Variants in PELP1 observed in about 807,000 individuals in gnomAD.
PELP1 encodes the protein proline-, glutamic acid- and leucine-rich protein 1.
PELP1 carries 32 observed loss-of-function variants against 95.5 expected under a neutral mutation model. That is an observed-to-expected ratio of 0.34 (90% CI 0.25 to 0.45). The LOEUF (loss-of-function observed/expected upper bound fraction) is 0.45. PELP1 is among the 20% of genes least tolerant of loss of function. The pLI, the probability that PELP1 is intolerant of heterozygous loss-of-function variation, is 1.00. For missense variants in PELP1, 1,358 were observed against 1,444.8 expected (o/e 0.94, Z 0.97); for synonymous variants, 668 against 600.1 (o/e 1.11, Z -1.65).
rs1036218087 is a variant in PELP1, at chr17:4,704,030, T to C, written c.82A>G (p.Ser28Gly). ...AGCAGGCGGAGCCGCGGGCCCGAGCTCACTGCCGAGAGACCCCCGGTCCCG... is the reference window on the plus strand; with the variant it reads ...AGCAGGCGGAGCCGCGGGCCCGAGCCCACTGCCGAGAGACCCCCGGTCCCG... ...PGGTGGLSAV[S>G]SGPRLRLLLL... is the part of the protein sequence containing the mutation. The change falls in exon 1 of 17, where the codon AGC becomes GGC. Residue 28 changes from serine to glycine, a missense_variant. Ser to Gly is a moderately conservative substitution (Grantham distance 56). Coordinates refer to ENST00000572293, the MANE Select transcript of PELP1 (RefSeq NM_014389.3). The C allele has an allele frequency of 3.1e-6, 5 of 1,612,796 alleles. No homozygotes were observed. In the African/African-American group the frequency reaches 5.3e-5, roughly 17 times the overall value.
chr17:4,690,957 C>T lies in PELP1; in HGVS notation c.351G>A (p.Gly117=). The T allele has an allele frequency of 6.2e-7, 1 of 1,613,832 alleles. No homozygotes were observed. Among genetic ancestry groups the T allele is most frequent in the Non-Finnish European group, 8.5e-7 (1 of 1,179,800 alleles). ...EGLCLLSLLV[G]ESPTELFQQH... ...GCTGGAATAGCTCTGTGGGGCTCTC[C>T]CCTACCAGCAGGGACAGCAGACACA... The change falls in exon 3 of 17, where the codon GGG becomes GGA. Residue 117 remains glycine (G), a synonymous_variant. Transcript: ENST00000572293.
intron 1 of PELP1, among the ~76,000 whole-genome samples, chr17:4,701,299 G>C (rs1913520674): frequency 7.5e-6 from 1 of 133,936 alleles, no homozygotes; most frequent in Admixed American, 7.7e-5. Context: ...AAAGAATTGA[G>C]AAGACTGGGA....
At chr17:4,676,308 G>C (rs1279590503) in intron 7 of PELP1, 49 bp downstream of exon 7, 2 of 1,593,042 alleles carry the variant, frequency 1.3e-6, no homozygotes, top group Non-Finnish European at 1.7e-6. Context: ...GTTCCTTCCT[G>C]CCACGCTTCC....
In PELP1 at chr17:4,704,106, C is replaced by T. The variant is rs760397142; in HGVS notation, c.6G>A (p.Ala2=). The change falls in exon 1 of 17, where the codon GCG becomes GCA. Residue 2 remains alanine (A), a synonymous_variant. Coordinates refer to ENST00000572293, the MANE Select transcript of PELP1 (RefSeq NM_014389.3). ...CAGAGGGCCCACTCAGAACGGCTGC[C>T]GCCATCTTCCCCCGGGTTCCAGTGG... M[A]AAVLSGPSAG... is the part of the protein sequence containing the mutation. 5 of 1,606,166 alleles carry T rather than the reference C, an allele frequency of 3.1e-6. No homozygotes were observed. The highest frequency in any genetic ancestry group is 4.2e-6 in the Non-Finnish European group (5 of 1,177,822).
At chr17:4,677,244 C>A (rs7221588) in intron 5 of PELP1, among the ~76,000 whole-genome samples, 7,026 of 152,190 alleles carry the variant, frequency 0.046, 500 homozygotes, top group African/African-American at 0.16. Context: ...AAAAAGAAGG[C>A]TGCTAGAGCA....
chr17:4,695,667 T>TAAAA (rs71147081), intron 1 of PELP1, among the ~76,000 whole-genome samples: 8 of 62,588 alleles, frequency 1.3e-4, no homozygotes, highest in East Asian at 5.7e-4. Context: ...CCCTCTCTCT[T>TAAAA]AAAAAAAAAA....
At chr17:4,676,837 AG>A (rs1456255681) in intron 5 of PELP1, 25 bp from the exon 6 acceptor site, 42 of 1,542,016 alleles carry the variant, frequency 2.7e-5, no homozygotes, top group Non-Finnish European at 3.6e-5. Context: ...AAAAAGGAAG[AG>A]GCCAGTGAGC....
intron 5 of PELP1, 60 bp downstream of exon 5, chr17:4,682,442 A>G (rs1250623196): frequency 2.0e-5 from 22 of 1,090,900 alleles, no homozygotes; most frequent in Non-Finnish European, 3.0e-5. Context: ...CAGGACAGGA[A>G]TCTGAGGTAA....
At chr17:4,701,807 T>C (rs186724092) in intron 1 of PELP1, among the ~76,000 whole-genome samples, 13 of 152,336 alleles carry the variant, frequency 8.5e-5, no homozygotes, top group African/African-American at 3.1e-4. Context: ...AAATGTTTGT[T>C]GAATGAAACC....
At chr17:4,679,127 G>C (rs1387327072) in intron 5 of PELP1, among the ~76,000 whole-genome samples, 1 of 151,812 alleles carries the variant, frequency 6.6e-6, no homozygotes, top group African/African-American at 2.4e-5. Flanking sequence ...CCCAGCTTCA[G>C]GGGATCTCCT....
intron 5 of PELP1, 104 bp from the exon 6 acceptor site, chr17:4,676,916 T>A (rs1308434119): frequency 4.7e-6 from 4 of 853,974 alleles, no homozygotes; most frequent in Non-Finnish European, 7.5e-6. Flanking sequence ...CAGGTCTCTT[T>A]TTCCTGTAGA....
At position 4,703,844 on chromosome 17, in the gene PELP1, A is replaced by T; in HGVS notation, c.249+19T>A. The T allele has an allele frequency of 6.3e-7, 1 of 1,596,234 alleles. No homozygotes were observed. The highest frequency in any genetic ancestry group is 8.5e-7 in the Non-Finnish European group (1 of 1,169,922). ...CCATCCTCCCCACAGGGCCGCGGGC[A>T]CGCGGGCCACGGACTCACCTGGGCC... On this transcript the variant is annotated intron_variant, in intron 1 of 16. Coordinates refer to ENST00000572293, the MANE Select transcript of PELP1 (RefSeq NM_014389.3).
rs748407658 is a variant in PELP1 at position 4,676,069 on chromosome 17, G to A, written c.947C>T (p.Ser316Leu). 36 of 1,613,772 alleles carry A rather than the reference G, an allele frequency of 2.2e-5. No individual in the cohort carries two copies. The highest frequency in any genetic ancestry group is 2.7e-5 in the Non-Finnish European group (32 of 1,179,870). ...HVLLQLRQRF[S>L]GLARCLGLML... The stretch of plus-strand genomic sequence containing the variant: ...GAGCCCTAGGCAGCGGGCCAGTCCC[G>A]AAAACCTCTGCCGAAGCTGGAGAAG... The change falls in exon 8 of 17, where the codon TCG (serine) becomes TTG (leucine). Residue 316 changes from serine to leucine, a missense_variant. Transcript: ENST00000572293.
chr17:4,675,814 C>G lies in PELP1; in HGVS notation c.1051G>C (p.Val351Leu), dbSNP rs779579337. 6.3e-7 allele frequency: 1 copy of G among 1,581,262 alleles called. No homozygotes were observed. Among genetic ancestry groups the G allele is most frequent in the Non-Finnish European group, 8.6e-7 (1 of 1,163,360 alleles). ...CCACTTACAATATTCTTGCTACTGA[C>G]GCTGAGGGTCCGGCAGATGAAATCC... Reference protein sequence around the residue: ...ILDFICRTLSVSSKNISLHGD... With the variant: ...ILDFICRTLSLSSKNISLHGD... The change falls in exon 9 of 17, where the codon GTC (valine) becomes CTC (leucine). Residue 351 changes from valine (V) to leucine (L), a missense_variant. Physicochemically the swap from Val to Leu is conservative, Grantham distance 32 (BLOSUM62 1). Transcript: ENST00000572293. This position sits in a 1 kb window ranked among gnomAD's most constrained non-coding sequence, Gnocchi z 4.3.
chr17:4,689,933 AG>A (rs1213814910), intron 3 of PELP1, among the ~76,000 whole-genome samples: 6 of 151,832 alleles, frequency 4.0e-5, no homozygotes, highest in African/African-American at 1.2e-4. Flanking sequence ...GGCTGAGGCA[AG>A]AGAATTGCTT....
chr17:4,670,900 T>A lies in PELP1; in HGVS notation c.*539A>T, dbSNP rs1405569081. ...CGTACCCACTACGGACACCCTTTCATCTTGGGGTAAGGTCCAAATTTCCCA... is the reference window on the plus strand; with the variant it reads ...CGTACCCACTACGGACACCCTTTCAACTTGGGGTAAGGTCCAAATTTCCCA... On this transcript the variant is annotated 3_prime_UTR_variant, in exon 17 of 17. Transcript: ENST00000572293. The A allele has an allele frequency of 6.4e-6, 1 of 156,314 alleles. No homozygotes were observed. Among genetic ancestry groups the A allele is most frequent in the Non-Finnish European group, 1.4e-5 (1 of 71,072 alleles). The allele number at this position is 156,314 out of a possible 1,614,324, so 9.7% of individuals were successfully genotyped here.
chr17:4,703,719 C>T, intron 1 of PELP1, 144 bp downstream of exon 1: 1 of 684,682 alleles, frequency 1.5e-6, no homozygotes, highest in Non-Finnish European at 2.4e-6. Flanking sequence ...GCATCCCGTC[C>T]GGACTGATAC....
chr17:4,673,795 T>A lies in PELP1; in HGVS notation c.1583-121A>T. 1.2e-6 allele frequency: 1 copy of A among 802,740 alleles called. No homozygotes were observed. Among genetic ancestry groups the A allele is most frequent in the Non-Finnish European group, 2.2e-6 (1 of 449,920 alleles). The allele number at this position is 802,740 out of a possible 1,614,324, so 49.7% of individuals were successfully genotyped here. A position where few individuals can be genotyped will look rare whatever the true frequency, so the allele number is the denominator to read the frequency against. On this transcript the variant is annotated intron_variant, in intron 13 of 16. Coordinates refer to ENST00000572293, the MANE Select transcript of PELP1 (RefSeq NM_014389.3). The surrounding 1 kb of genome is among the most constrained non-coding windows in gnomAD (Gnocchi z 5.7). ...CACTGCCTATCTTGGCCAAGTCATT[T>A]AACTTCTCAACTAGAAAATGGGGAT...
At chr17:4,693,774 C>T (rs563750423) in intron 1 of PELP1, among the ~76,000 whole-genome samples, 45 of 152,320 alleles carry the variant, frequency 3.0e-4, no homozygotes, top group Middle Eastern at 3.4e-3. Context: ...TAATTTAAAA[C>T]TTATGAATTA....
Sources: gnomAD v4.1 joint callset for allele counts (sites outside exome capture counted in the v4.1 genomes callset) on GRCh38, gnomAD v4.1.1 for gene constraint, Gnocchi (gnomAD v3.1) non-coding constraint, MANE v1.5 for transcripts, NCBI Gene and HGNC (gene_info 2026-07-23, HGNC 2026-07-21) for gene names.